The following OTOR variants were observed in gnomAD, a reference collection of about 807,000 sequenced individuals.
OTOR encodes the protein fibrocyte-derived protein.
A neutral mutation model predicts 15.9 loss-of-function variants in OTOR; 20 were observed. The ratio of observed to expected loss-of-function variants is 1.26; its 90% confidence interval spans 0.89 to 1.83. The LOEUF (loss-of-function observed/expected upper bound fraction) is 1.83, where lower values mean the gene tolerates loss of function less well. OTOR is among the 40% of genes most tolerant of loss of function. OTOR has a pLI of 0.00. For synonymous variants in OTOR, 53 were observed against 54.2 expected (o/e 0.98, Z 0.09); for missense variants, 184 against 159.0 (o/e 1.16, Z -0.85).
In OTOR at chr20:16,751,087, T is replaced by C; in HGVS notation, c.364-8T>C. On this transcript the variant is annotated splice_region_variant and splice_polypyrimidine_tract_variant and intron_variant, in intron 3 of 3. Coordinates refer to ENST00000246081, the MANE Select transcript of OTOR (RefSeq NM_020157.4). The stretch of plus-strand genomic sequence containing the variant: ...GTTCAATCTTTTTTTGTTTTTGTTT[T>C]TTTCCAGGATATTGACTTCTTCTGC... 1.9e-6 allele frequency: 3 copies of C among 1,539,186 alleles called. No homozygotes were observed. Among genetic ancestry groups the C allele is most frequent in the Non-Finnish European group, 1.8e-6 (2 of 1,135,912 alleles).
rs560434626 is a variant in OTOR at position 16,751,833 on chromosome 20, A to G, written c.*715A>G. The G allele has an allele frequency of 7.2e-5, 11 of 152,274 alleles. No homozygotes were observed. Among genetic ancestry groups the G allele is most frequent in the African/African-American group, 2.6e-4 (11 of 41,554 alleles). The allele number at this position is 152,274 out of a possible 1,614,324, so 9.4% of individuals were successfully genotyped here. A position where few individuals can be genotyped will look rare whatever the true frequency, so the allele number is the denominator to read the frequency against. ...GAAGGTAGTTTATGGAAATATTTTTAATGGAATAGTTTTCCCTTAATATGT... is the reference window on the plus strand; with the variant it reads ...GAAGGTAGTTTATGGAAATATTTTTGATGGAATAGTTTTCCCTTAATATGT... On this transcript the variant is annotated 3_prime_UTR_variant, in exon 4 of 4. Coordinates refer to ENST00000246081, the MANE Select transcript of OTOR (RefSeq NM_020157.4).
chr20:16,748,499 C>A lies in OTOR; in HGVS notation c.98C>A (p.Ala33Glu). 5.0e-6 allele frequency: 8 copies of A among 1,604,456 alleles called. No individual in the cohort carries two copies. Among genetic ancestry groups the A allele is most frequent in the Non-Finnish European group, 6.8e-6 (8 of 1,171,314 alleles). Residue 33 changes from alanine to glutamate, a missense_variant, in exon 1 of 4, where the codon GCA (alanine) becomes GAA (glutamate). Ala to Glu is a moderately radical substitution (Grantham distance 107, BLOSUM62 -1). Transcript: ENST00000246081. ...CGTCTAGCTTCCAAGAAGCTCTGTGCAGATGATGAGTGTGTCTGTAAGGAC... is the reference window on the plus strand; with the variant it reads ...CGTCTAGCTTCCAAGAAGCTCTGTGAAGATGATGAGTGTGTCTGTAAGGAC... ...MDRLASKKLCADDECVYTISL... is the reference protein window; with the variant it reads ...MDRLASKKLCEDDECVYTISL...
chr20:16,749,586 A>T (rs1279462734), intron 2 of OTOR: 1 of 271,144 alleles, frequency 3.7e-6, no homozygotes, highest in African/African-American at 2.2e-5. Context: ...ACAGTACTTT[A>T]AAAAAATGTA....
Position 16,751,152 on chromosome 20 carries a change from A to G in OTOR, c.*34A>G. 2 of 1,452,520 alleles carry G rather than the reference A, an allele frequency of 1.4e-6. No individual in the cohort carries two copies. Among genetic ancestry groups the G allele is most frequent in the Non-Finnish European group, 1.9e-6 (2 of 1,068,694 alleles). 90.0% of individuals were successfully genotyped at this position (1,452,520 alleles called of 1,614,324 possible). A position where few individuals can be genotyped will look rare whatever the true frequency, so the allele number is the denominator to read the frequency against. ...TTAAAACTGCAAATAGAAAGAAAAC[A>G]CCAAAAATAAAGAAAAGAGCAAAAG... On this transcript the variant is annotated 3_prime_UTR_variant, in exon 4 of 4. Transcript: ENST00000246081.
chr20:16,748,423 T>C lies in OTOR; in HGVS notation c.22T>C (p.Phe8Leu), dbSNP rs768396772. 1 of 1,612,794 alleles carries C rather than the reference T, an allele frequency of 6.2e-7. No individual in the cohort carries two copies. The highest frequency in any genetic ancestry group is 8.5e-7 in the Non-Finnish European group (1 of 1,178,788). ...GAAGATGGCAAGAATATTGTTACTT[T>C]TCCTCCCGGGTCTTGTGGCTGTATG... The part of the protein sequence containing the change: MARILLL[F>L]LPGLVAVCAV... The change falls in exon 1 of 4, where the codon TTC becomes CTC. Residue 8 changes from phenylalanine (F) to leucine (L), a missense_variant. Coordinates refer to ENST00000246081, the MANE Select transcript of OTOR (RefSeq NM_020157.4).
At chr20:16,749,446 A>G (rs2122520290) in intron 2 of OTOR, 1 of 169,740 alleles carries the variant, frequency 5.9e-6, no homozygotes, top group Middle Eastern at 2.7e-3. Flanking sequence ...AGCAGGGATG[A>G]TTTTCTGTCC....
In OTOR at chr20:16,748,686, T is replaced by C. The variant is rs1009700825; in HGVS notation, c.115+170T>C. Reference sequence around the variant, plus strand: ...TGGTATCTTACTACGGAGAATTCACTTGGCTGAGTTTTGTTGCAGCTTTAA... The same window carrying C: ...TGGTATCTTACTACGGAGAATTCACCTGGCTGAGTTTTGTTGCAGCTTTAA... On this transcript the variant is annotated intron_variant, in intron 1 of 3. Transcript: ENST00000246081. Among the ~76,000 whole-genome samples the C allele has an allele frequency of 5.3e-5, 8 of 152,236 alleles. No homozygotes were observed. In the South Asian group the frequency reaches 1.4e-3, roughly 28 times the overall value.
intron 3 of OTOR, among the ~76,000 whole-genome samples, chr20:16,750,531 TAAAG>T (rs781631167): frequency 1.4e-4 from 15 of 108,298 alleles, no homozygotes; most frequent in Non-Finnish European, 2.9e-4. Context: ...ATGTAACAAA[TAAAG>T]AAACCAAAGT....
intron 3 of OTOR, among the ~76,000 whole-genome samples, chr20:16,750,253 C>CT (rs1404013248): frequency 2.6e-5 from 4 of 152,100 alleles, no homozygotes; most frequent in Non-Finnish European, 4.4e-5. Flanking sequence ...TTTGTCTCAT[C>CT]TTTTTTCTAT....
intron 3 of OTOR, among the ~76,000 whole-genome samples, chr20:16,750,763 C>G (rs6135879): frequency 0.29 from 44,189 of 152,000 alleles, 7,169 homozygotes; most frequent in East Asian, 0.64. Flanking sequence ...AGCTACTTTG[C>G]AAGGTGCTTG....
chr20:16,751,266 G>T lies in OTOR; in HGVS notation c.*148G>T. ...GAGCAAGGGCTTAGGGGTTGGAGGTGGCAGATAAAAGAGGATTTTCAACTC... is the reference window on the plus strand; with the variant it reads ...GAGCAAGGGCTTAGGGGTTGGAGGTTGCAGATAAAAGAGGATTTTCAACTC... On this transcript the variant is annotated 3_prime_UTR_variant, in exon 4 of 4. Transcript: ENST00000246081. The T allele has an allele frequency of 1.7e-6, 1 of 584,140 alleles. No individual in the cohort carries two copies. Among genetic ancestry groups the T allele is most frequent in the Non-Finnish European group, 2.9e-6 (1 of 340,754 alleles). 36.2% of individuals were successfully genotyped at this position (584,140 alleles called of 1,614,324 possible).
At chr20:16,750,275 T>C (rs948692174) in intron 3 of OTOR, among the ~76,000 whole-genome samples, 1 of 152,218 alleles carries the variant, frequency 6.6e-6, no homozygotes, top group Admixed American at 6.5e-5. Context: ...TTTTTTCAGC[T>C]TTATTGGGTT....
chr20:16,748,555 C>A, intron 1 of OTOR, 39 bp downstream of exon 1: 1 of 1,199,728 alleles, frequency 8.3e-7, no homozygotes, highest in Non-Finnish European at 1.2e-6. Context: ...CTTTCTATTA[C>A]ATAATTGAAA....
chr20:16,749,832 G>T, intron 2 of OTOR, 71 bp from the exon 3 acceptor site: 1 of 1,009,064 alleles, frequency 9.9e-7, no homozygotes, highest in South Asian at 1.3e-5. Flanking sequence ...CAGCAAAGAG[G>T]ACGCCTGCGA....
intron 3 of OTOR, 27 bp from the exon 4 acceptor site, chr20:16,751,068 T>C: frequency 1.3e-6 from 2 of 1,519,184 alleles, no homozygotes; most frequent in South Asian, 1.2e-5. Flanking sequence ...TTTCGTTCAA[T>C]CTTTTTTTGT....
chr20:16,749,285 C>T (rs1051697464), intron 2 of OTOR: 5 of 247,352 alleles, frequency 2.0e-5, no homozygotes, highest in Non-Finnish European at 3.0e-5. Flanking sequence ...TATCCGAAAA[C>T]GTCTGAGAAG....
chr20:16,748,942 A>G lies in OTOR; in HGVS notation c.191A>G (p.Gln64Arg). The G allele has an allele frequency of 6.2e-7, 1 of 1,612,720 alleles. No individual in the cohort carries two copies. The highest frequency in any genetic ancestry group is 8.5e-7 in the Non-Finnish European group (1 of 1,179,308). The change falls in exon 2 of 4, where the codon CAG becomes CGG. Residue 64 changes from glutamine to arginine, a missense_variant. By Grantham distance (43) the Gln-to-Arg change is conservative. Coordinates refer to ENST00000246081, the MANE Select transcript of OTOR (RefSeq NM_020157.4). ...AGATTCATTAACGTTAAAAAAGGGC[A>G]GCAGATCTATGTGTACTCAAAGCTG... The part of the protein sequence containing the change: ...DCRFINVKKG[Q>R]QIYVYSKLVK...
At position 16,751,343 on chromosome 20, in the gene OTOR, G is replaced by A. The variant is rs1204967743; in HGVS notation, c.*225G>A. On this transcript the variant is annotated 3_prime_UTR_variant, in exon 4 of 4. Coordinates refer to ENST00000246081, the MANE Select transcript of OTOR (RefSeq NM_020157.4). Reference sequence around the variant, plus strand: ...TGCCCACGAGCTAGAGCGGGGAAATGTTGAGCTCAAATGGGTAAATTGAGA... The same window carrying A: ...TGCCCACGAGCTAGAGCGGGGAAATATTGAGCTCAAATGGGTAAATTGAGA... The A allele has an allele frequency of 6.9e-5, 35 of 507,750 alleles. No homozygotes were observed. In the East Asian group the frequency reaches 1.1e-3, roughly 16 times the overall value. The allele number at this position is 507,750 out of a possible 1,614,324, so 31.5% of individuals were successfully genotyped here.
chr20:16,749,474 G>C, intron 2 of OTOR: 1 of 171,840 alleles, frequency 5.8e-6, no homozygotes, highest in Non-Finnish European at 1.2e-5. Flanking sequence ...CAACCCTAAA[G>C]GTAAGTTCTA....
Sources: gnomAD v4.1 joint callset for allele counts (sites outside exome capture counted in the v4.1 genomes callset) on GRCh38, gnomAD v4.1.1 for gene constraint, MANE v1.5 for transcripts, NCBI Gene and HGNC (gene_info 2026-07-23, HGNC 2026-07-21) for gene names.